CLDND2: variants seen among roughly 807,000 people sequenced by gnomAD.
CLDND2 encodes claudin domain containing 2.
In CLDND2, 18 loss-of-function variants were observed where a neutral mutation model predicts 17.7. The observed-to-expected ratio is 1.02, with a 90% confidence interval of 0.70 to 1.51. CLDND2 has a LOEUF of 1.51. Ranked by LOEUF, CLDND2 falls within the 40% of genes most tolerant of loss-of-function variation. CLDND2 has a pLI of 0.00. For synonymous variants in CLDND2, 113 were observed against 93.0 expected (o/e 1.22, Z -1.24); for missense variants, 233 against 219.6 (o/e 1.06, Z -0.39).
Position 51,368,717 on chromosome 19 carries a change from T to A in CLDND2, c.-140A>T. On this transcript the variant is annotated 5_prime_UTR_variant, in exon 1 of 4. Coordinates refer to ENST00000291715, the MANE Select transcript of CLDND2 (RefSeq NM_152353.3). Reference sequence around the variant, plus strand: ...CCTGAGGTCCCTGCTTCTGGGGACCTGGAGACCCCCCTCCCTCAACAACCC... The same window carrying A: ...CCTGAGGTCCCTGCTTCTGGGGACCAGGAGACCCCCCTCCCTCAACAACCC... 1 of 704,868 alleles carries A rather than the reference T, an allele frequency of 1.4e-6. No homozygotes were observed. Among genetic ancestry groups the A allele is most frequent in the South Asian group, 1.9e-5 (1 of 52,276 alleles). The allele number at this position is 704,868 out of a possible 1,614,324, so 43.7% of individuals were successfully genotyped here.
Position 51,367,203 on chromosome 19 carries a change from A to C in CLDND2, c.443T>G (p.Leu148Arg). Reference protein sequence around the residue: ...PFSILAGFCFLLADMIMQSTD... With the variant: ...PFSILAGFCFRLADMIMQSTD... ...GCTCTGCATGATCATGTCTGCCAGC[A>C]GAAAGCAGAAGCCTGGGGGGACGGG... The change falls in exon 4 of 4, where the codon CTG becomes CGG. Residue 148 changes from leucine to arginine, a missense_variant. Transcript: ENST00000291715. This position sits in a 1 kb window ranked among gnomAD's most constrained non-coding sequence, Gnocchi z 7.4. 5 of 1,614,222 alleles carry C rather than the reference A, an allele frequency of 3.1e-6. No individual in the cohort carries two copies. Among genetic ancestry groups the C allele is most frequent in the Non-Finnish European group, 3.4e-6 (4 of 1,180,032 alleles).
At chr19:51,368,268 C>T in intron 1 of CLDND2, 141 bp downstream of exon 1, 1 of 1,106,412 alleles carries the variant, frequency 9.0e-7, no homozygotes, top group South Asian at 1.5e-5. Context: ...GGGCGGGGTT[C>T]GTGGCGGCCT....
rs887267045 is a variant in CLDND2, at chr19:51,368,988, CAG to C, written c.-413_-412del. ...CCAGTGCCCTAGGGCTCCTTAGACA[CAG>C]AGCCCAGAGAGACGGGGGGAGGGAG... On this transcript the variant is annotated 5_prime_UTR_variant, in exon 1 of 4. Coordinates refer to ENST00000291715, the MANE Select transcript of CLDND2 (RefSeq NM_152353.3). 2 of 158,760 alleles carry C rather than the reference CAG, an allele frequency of 1.3e-5. No individual in the cohort carries two copies. Among genetic ancestry groups the C allele is most frequent in the African/African-American group, 4.8e-5 (2 of 41,564 alleles). 9.8% of individuals were successfully genotyped at this position (158,760 alleles called of 1,614,324 possible).
chr19:51,368,112 G>A, intron 1 of CLDND2, 86 bp from the exon 2 acceptor site: 3 of 1,406,190 alleles, frequency 2.1e-6, no homozygotes, highest in East Asian at 2.5e-5. Context: ...CCCGTCTCCT[G>A]CCCCCAACCC....
In CLDND2 at chr19:51,367,623, GC is replaced by G. The variant is rs1986460632; in HGVS notation, c.311-48del. ...GATGAGCTAGCTGGGCCTGGTGGGG[GC>G]TGCACCCAGGCCACGCCCCTTCAGA... On this transcript the variant is annotated intron_variant, in intron 2 of 3. Transcript: ENST00000291715. This position sits in a 1 kb window ranked among gnomAD's most constrained non-coding sequence, Gnocchi z 7.4. The G allele has an allele frequency of 1.9e-6, 3 of 1,584,612 alleles. No individual in the cohort carries two copies. Among genetic ancestry groups the G allele is most frequent in the Non-Finnish European group, 2.6e-6 (3 of 1,165,196 alleles).
chr19:51,367,371 G>A lies in CLDND2; in HGVS notation c.430+86C>T. ...TGGGGAGTCCCCGAGAGGTCCCCGG[G>A]GTTTCCTGGGAGGGCAGCTGGGGAG... On this transcript the variant is annotated intron_variant, in intron 3 of 3. Coordinates refer to ENST00000291715, the MANE Select transcript of CLDND2 (RefSeq NM_152353.3). This position sits in a 1 kb window ranked among gnomAD's most constrained non-coding sequence, Gnocchi z 7.4. The A allele has an allele frequency of 7.0e-7, 1 of 1,421,166 alleles. No individual in the cohort carries two copies. 88.0% of individuals were successfully genotyped at this position (1,421,166 alleles called of 1,614,324 possible).
intron 1 of CLDND2, 183 bp downstream of exon 1, chr19:51,368,226 G>T: frequency 1.1e-6 from 1 of 890,126 alleles, no homozygotes; most frequent in Non-Finnish European, 1.7e-6. Context: ...ACCAGGACGG[G>T]GAGGGGGTCG....
In CLDND2 at chr19:51,367,705, G is replaced by T. The variant is rs987005346; in HGVS notation, c.311-129C>A. 1.5e-5 allele frequency: 22 copies of T among 1,485,316 alleles called. No individual in the cohort carries two copies. Among genetic ancestry groups the T allele is most frequent in the Non-Finnish European group, 2.0e-5 (22 of 1,119,112 alleles). The allele number at this position is 1,485,316 out of a possible 1,614,324, so 92.0% of individuals were successfully genotyped here. ...GCCTCTCAGCCCGCCCCTGGCCCAG[G>T]CCCCTTCCTGCTCCTCCCGCTCTGA... On this transcript the variant is annotated intron_variant, in intron 2 of 3. Coordinates refer to ENST00000291715, the MANE Select transcript of CLDND2 (RefSeq NM_152353.3). This position sits in a 1 kb window ranked among gnomAD's most constrained non-coding sequence, Gnocchi z 7.4.
rs143028916 is a variant in CLDND2 at position 51,368,564 on chromosome 19, C to T, written c.14G>A (p.Arg5Gln). ...CAGAATGCCCCCACTCTGGAGGCTC[C>T]GCTTCACCCCCATGCCACTGAGGCT... Reference protein sequence around the residue: MGVKRSLQSGGILLS... With the variant: MGVKQSLQSGGILLS... The change falls in exon 1 of 4, where the codon CGG becomes CAG. Residue 5 changes from arginine (R) to glutamine (Q), a missense_variant. Transcript: ENST00000291715. 5.0e-6 allele frequency: 8 copies of T among 1,613,084 alleles called. No homozygotes were observed. In the Admixed American group the frequency reaches 5.0e-5, roughly 10 times the overall value.
At position 51,367,124 on chromosome 19, in the gene CLDND2, G is replaced by A. The variant is rs368435588; in HGVS notation, c.*18C>T. The A allele has an allele frequency of 1.2e-6, 2 of 1,613,098 alleles. No homozygotes were observed. Among genetic ancestry groups the A allele is most frequent in the Non-Finnish European group, 8.5e-7 (1 of 1,179,170 alleles). ...CTAAAAAAAGCCGTTCCTTTATTCT[G>A]CCCCAGGCAGGCTGCAGTCACAGAC... On this transcript the variant is annotated 3_prime_UTR_variant, in exon 4 of 4. Transcript: ENST00000291715. The surrounding 1 kb of genome is among the most constrained non-coding windows in gnomAD (Gnocchi z 7.4).
intron 1 of CLDND2, 146 bp from the exon 2 acceptor site, chr19:51,368,172 A>G: frequency 8.1e-6 from 8 of 988,766 alleles, no homozygotes; most frequent in Non-Finnish European, 1.2e-5. Context: ...AGGCGTTTGG[A>G]TTGAGACTTG....
In CLDND2 at chr19:51,367,687, A is replaced by C; in HGVS notation, c.311-111T>G. The C allele has an allele frequency of 6.7e-7, 1 of 1,496,054 alleles. No homozygotes were observed. Among genetic ancestry groups the C allele is most frequent in the East Asian group, 2.5e-5 (1 of 40,562 alleles). The allele number at this position is 1,496,054 out of a possible 1,614,324, so 92.7% of individuals were successfully genotyped here. On this transcript the variant is annotated intron_variant, in intron 2 of 3. Coordinates refer to ENST00000291715, the MANE Select transcript of CLDND2 (RefSeq NM_152353.3). The surrounding 1 kb of genome is among the most constrained non-coding windows in gnomAD (Gnocchi z 7.4). ...TATCAGACCACGCCTATCGCCTCTC[A>C]GCCCGCCCCTGGCCCAGGCCCCTTC... is the stretch of plus-strand genomic sequence containing the variant.
Position 51,368,691 on chromosome 19 carries a change from GC to G in CLDND2, c.-115del, listed in dbSNP as rs529509563. ...TCCACACTCCTCCCCTGGTACTCCTGCCTGAGGTCCCTGCTTCTGGGGACCT... is the reference window on the plus strand; with the variant it reads ...TCCACACTCCTCCCCTGGTACTCCTGCTGAGGTCCCTGCTTCTGGGGACCT... On this transcript the variant is annotated 5_prime_UTR_variant, in exon 1 of 4. Transcript: ENST00000291715. The G allele has an allele frequency of 7.9e-4, 727 of 923,596 alleles. 7 individuals are homozygous for G. Among genetic ancestry groups the G allele is most frequent in the Non-Finnish European group, 5.4e-4 (339 of 633,046 alleles). 57.2% of individuals were successfully genotyped at this position (923,596 alleles called of 1,614,324 possible). A position where few individuals can be genotyped will look rare whatever the true frequency, so the allele number is the denominator to read the frequency against.
In CLDND2 at chr19:51,367,996, A is replaced by G. The variant is rs1449292548; in HGVS notation, c.200T>C (p.Val67Ala). The G allele has an allele frequency of 1.9e-6, 3 of 1,611,944 alleles. No individual in the cohort carries two copies. The highest frequency in any genetic ancestry group is 2.5e-6 in the Non-Finnish European group (3 of 1,179,158). ...CACCACGCCGACACCCACCGCCAGC[A>G]CCATGCACGCCACAGTCACCGCCAG... ...TTLAVTVACM[V>A]LAVGVGVVGM... is the part of the protein sequence containing the mutation. Residue 67 changes from valine (V) to alanine (A), a missense_variant, in exon 2 of 4, where the codon GTG becomes GCG. Physicochemically the swap from Val to Ala is moderately conservative, Grantham distance 64. Coordinates refer to ENST00000291715, the MANE Select transcript of CLDND2 (RefSeq NM_152353.3). The surrounding 1 kb of genome is among the most constrained non-coding windows in gnomAD (Gnocchi z 7.4).
Position 51,367,405 on chromosome 19 carries a change from G to T in CLDND2, c.430+52C>A. ...GGAGGGCAGCTGGGGAGCCTCTGGGGTGAGGGTCTTCTGGGCAGTCTCCTC... is the reference window on the plus strand; with the variant it reads ...GGAGGGCAGCTGGGGAGCCTCTGGGTTGAGGGTCTTCTGGGCAGTCTCCTC... On this transcript the variant is annotated intron_variant, in intron 3 of 3. Transcript: ENST00000291715. This position sits in a 1 kb window ranked among gnomAD's most constrained non-coding sequence, Gnocchi z 7.4. 6.5e-7 allele frequency: 1 copy of T among 1,539,682 alleles called. No homozygotes were observed. Among genetic ancestry groups the T allele is most frequent in the Non-Finnish European group, 8.9e-7 (1 of 1,128,320 alleles).
Position 51,367,335 on chromosome 19 carries a change from C to T in CLDND2, c.431-120G>A, listed in dbSNP as rs1318539912. 1 of 1,374,230 alleles carries T rather than the reference C, an allele frequency of 7.3e-7. No homozygotes were observed. Among genetic ancestry groups the T allele is most frequent in the Non-Finnish European group, 1.0e-6 (1 of 981,092 alleles). 85.1% of individuals were successfully genotyped at this position (1,374,230 alleles called of 1,614,324 possible). Reference sequence around the variant, plus strand: ...GGGTCTCTGCCGGGTCTGCGGGAGTCGTTAGTGTGTTGGGGAGTCCCCGAG... The same window carrying T: ...GGGTCTCTGCCGGGTCTGCGGGAGTTGTTAGTGTGTTGGGGAGTCCCCGAG... On this transcript the variant is annotated intron_variant, in intron 3 of 3. Transcript: ENST00000291715. This position sits in a 1 kb window ranked among gnomAD's most constrained non-coding sequence, Gnocchi z 7.4.
chr19:51,366,742 C>T (rs894025750), downstream of CLDND2, among the ~76,000 whole-genome samples: 5 of 152,042 alleles, frequency 3.3e-5, no homozygotes, highest in African/African-American at 1.2e-4. Context: ...CTCCAAGTCG[C>T]GGTACTCGTA....
chr19:51,368,105 G>A, intron 1 of CLDND2, 79 bp from the exon 2 acceptor site: 1 of 1,436,892 alleles, frequency 7.0e-7, no homozygotes. Flanking sequence ...AAGCTCTCCC[G>A]TCTCCTGCCC....
chr19:51,368,328 GT>G lies in CLDND2; in HGVS notation c.169+80del, dbSNP rs1599853021. The G allele has an allele frequency of 1.2e-5, 18 of 1,470,986 alleles. No homozygotes were observed. The East Asian group carries it at 3.9e-4, about 32-fold the overall frequency. The allele number at this position is 1,470,986 out of a possible 1,614,324, so 91.1% of individuals were successfully genotyped here. Reference sequence around the variant, plus strand: ...TGAGCCCGGGGTGGAAGGGGTGGGCGTCTCGCCATGGGCCCAGCTGTGTGTC... The same window carrying G: ...TGAGCCCGGGGTGGAAGGGGTGGGCGCTCGCCATGGGCCCAGCTGTGTGTC... On this transcript the variant is annotated intron_variant, in intron 1 of 3. Transcript: ENST00000291715.
Sources: allele counts gnomAD v4.1 joint callset (sites outside exome capture counted in the v4.1 genomes callset), GRCh38; gene constraint gnomAD v4.1.1; non-coding constraint Gnocchi (gnomAD v3.1); transcripts MANE v1.5; gene names NCBI Gene and HGNC (gene_info 2026-07-23, HGNC 2026-07-21).